Variants in CFAP52 observed in about 807,000 individuals in gnomAD.
CFAP52 encodes cilia and flagella associated protein 52, also known as cilia- and flagella-associated protein 52.
CFAP52 carries 57 observed loss-of-function variants against 70.5 expected under a neutral mutation model. That is an observed-to-expected ratio of 0.81 (90% CI 0.65 to 1.01). The LOEUF is 1.01. Ranked by LOEUF, CFAP52 falls within the 50% of genes least tolerant of loss-of-function variation. The pLI is 0.00. For missense variants in CFAP52, 785 were observed against 788.5 expected, an observed-to-expected ratio of 1.00 and a Z score of 0.05; for synonymous variants, 267 against 292.5, an observed-to-expected ratio of 0.91 and a Z score of 0.89.
At chr17:9,597,843 G>GAGAGAGAA (rs1881943285) in intron 4 of CFAP52, among the ~76,000 whole-genome samples, 1 of 149,720 alleles carries the variant, frequency 6.7e-6, no homozygotes, top group East Asian at 1.9e-4. Context: ...GAGAGAAAGA[G>GAGAGAGAA]AGAGAGAAAG....
intron 8 of CFAP52, 49 bp from the exon 9 acceptor site, chr17:9,628,623 T>C (rs766413263): frequency 1.6e-5 from 26 of 1,593,718 alleles, no homozygotes; most frequent in Non-Finnish European, 2.2e-5. Flanking sequence ...AATATGCATC[T>C]GGGAAACTGC....
intron 11 of CFAP52, among the ~76,000 whole-genome samples, chr17:9,637,020 G>A (rs191946860): frequency 3.9e-4 from 60 of 152,292 alleles, no homozygotes; most frequent in Middle Eastern, 3.4e-3. Flanking sequence ...ACTCCAGCCT[G>A]GGCCACAGAG....
chr17:9,610,961 T>A (rs1283315251), intron 7 of CFAP52, among the ~76,000 whole-genome samples: 1 of 152,232 alleles, frequency 6.6e-6, no homozygotes, highest in Non-Finnish European at 1.5e-5. Context: ...ACATCTTCAC[T>A]GCAACACTTG....
chr17:9,615,429 T>A (rs1409665104), intron 8 of CFAP52, among the ~76,000 whole-genome samples: 2 of 152,222 alleles, frequency 1.3e-5, no homozygotes, highest in African/African-American at 4.8e-5. Flanking sequence ...AGTCTTAGTC[T>A]TTTAATAGAA....
chr17:9,634,719 GC>G (rs1567636414), intron 10 of CFAP52, among the ~76,000 whole-genome samples: 1 of 151,586 alleles, frequency 6.6e-6, no homozygotes. Flanking sequence ...AGCCGAGATC[GC>G]GCCATTGCAC....
intron 11 of CFAP52, among the ~76,000 whole-genome samples, chr17:9,638,305 T>G (rs1597797975): frequency 6.6e-6 from 1 of 152,162 alleles, no homozygotes. Context: ...CTCTTCTGCT[T>G]CTTCTTCCCT....
intron 11 of CFAP52, among the ~76,000 whole-genome samples, chr17:9,636,306 T>C (rs1298308296): frequency 6.6e-6 from 1 of 152,060 alleles, no homozygotes; most frequent in Non-Finnish European, 1.5e-5. Flanking sequence ...GTTAGTCAGG[T>C]GAAGCCCAGA....
intron 8 of CFAP52, among the ~76,000 whole-genome samples, chr17:9,615,047 T>C (rs1429200076): frequency 6.6e-6 from 1 of 152,226 alleles, no homozygotes; most frequent in Admixed American, 6.5e-5. Context: ...TAAGTAAGGG[T>C]AACTTTCTAA....
rs929977554 is a variant in CFAP52 at position 9,586,292 on chromosome 17, G to A, written c.270+320G>A. On this transcript the variant is annotated intron_variant, in intron 2 of 13. Transcript: ENST00000352665. ...AAAAGTGATAGAGCGGGCTGGGCGC[G>A]GTGGCTCATGCCTGTAATCCCAGCA... is the stretch of plus-strand genomic sequence containing the variant. Among the ~76,000 whole-genome samples the A allele has an allele frequency of 1.2e-4, 19 of 152,160 alleles. 1 individual carries two copies. The highest frequency in any genetic ancestry group is 8.3e-4 in the South Asian group (4 of 4,816).
intron 9 of CFAP52, among the ~76,000 whole-genome samples, chr17:9,630,214 A>G (rs760613607): frequency 4.6e-5 from 7 of 150,962 alleles, no homozygotes; most frequent in Non-Finnish European, 1.0e-4. Context: ...TTCTCTTCTC[A>G]CCCAGTATAC....
chr17:9,605,099 C>T (rs907909025), intron 6 of CFAP52, among the ~76,000 whole-genome samples: 1 of 152,134 alleles, frequency 6.6e-6, no homozygotes, highest in Non-Finnish European at 1.5e-5. Context: ...TTGCTATTTA[C>T]CCAAAGGAGC....
At chr17:9,631,771 T>G (rs1567635303) in intron 9 of CFAP52, among the ~76,000 whole-genome samples, 2 of 148,750 alleles carry the variant, frequency 1.3e-5, no homozygotes, top group East Asian at 2.0e-4. Context: ...TTTGGAAAGT[T>G]TTTTTTTTTT....
At chr17:9,593,922 G>A (rs973154954) in intron 3 of CFAP52, among the ~76,000 whole-genome samples, 8 of 151,964 alleles carry the variant, frequency 5.3e-5, no homozygotes, top group South Asian at 2.1e-4. Context: ...CAGAGATGGC[G>A]CCATTGCACT....
At chr17:9,586,131 C>T (rs191419669) in intron 2 of CFAP52, among the ~76,000 whole-genome samples, 159 bp downstream of exon 2, 11 of 152,038 alleles carry the variant, frequency 7.2e-5, no homozygotes, top group East Asian at 1.9e-4. Context: ...TCCGTCAGAC[C>T]GGGAGTGAAG....
chr17:9,631,065 A>C (rs1476466548), intron 9 of CFAP52, among the ~76,000 whole-genome samples: 1 of 126,048 alleles, frequency 7.9e-6, no homozygotes, highest in East Asian at 3.2e-4. Context: ...AAAGAAAGAA[A>C]GAAAGAAAGA....
At chr17:9,616,703 G>A (rs1219218105) in intron 8 of CFAP52, among the ~76,000 whole-genome samples, 1 of 148,932 alleles carries the variant, frequency 6.7e-6, no homozygotes, top group East Asian at 2.0e-4. Context: ...TGACCCCCGG[G>A]CAGCCTAACT....
chr17:9,627,931 G>A (rs191399934), intron 8 of CFAP52, among the ~76,000 whole-genome samples: 13 of 152,082 alleles, frequency 8.5e-5, no homozygotes, highest in Non-Finnish European at 1.5e-4. Flanking sequence ...GTCTCACTAT[G>A]TTGCCCAGGC....
chr17:9,641,890 A>G (rs957809687), intron 13 of CFAP52, 55 bp downstream of exon 13: 1 of 1,490,010 alleles, frequency 6.7e-7, no homozygotes, highest in Non-Finnish European at 9.3e-7. Context: ...GAGGACATGG[A>G]AGGAACTCCC....
chr17:9,577,666 T>G (rs1813171368), intron 1 of CFAP52, among the ~76,000 whole-genome samples: 1 of 152,208 alleles, frequency 6.6e-6, no homozygotes, highest in Non-Finnish European at 1.5e-5. Flanking sequence ...CAATAGAAAG[T>G]GAGTGCTTTA....
Sources: gnomAD v4.1 joint callset for allele counts (sites outside exome capture counted in the v4.1 genomes callset) on GRCh38, gnomAD v4.1.1 for gene constraint, MANE v1.5 for transcripts, NCBI Gene and HGNC (gene_info 2026-07-23, HGNC 2026-07-21) for gene names.